Variants in MYT1L observed in about 807,000 individuals in gnomAD.
MYT1L encodes myelin transcription factor 1-like protein.
In MYT1L, 12 loss-of-function variants were observed where a neutral mutation model predicts 126.7. The observed-to-expected ratio is 0.09, with a 90% CI of 0.06 to 0.15. The LOEUF (loss-of-function observed/expected upper bound fraction) is 0.15, where lower values mean the gene tolerates loss of function less well. Among genes scored for constraint, MYT1L ranks in the 10% least tolerant of loss-of-function variants. MYT1L has a pLI of 1.00. For missense variants in MYT1L, 979 were observed against 1,585.2 expected, an observed-to-expected ratio of 0.62 and a Z score of 6.49; for synonymous variants, 541 against 604.2, an observed-to-expected ratio of 0.90 and a Z score of 1.53.
chr2:2,190,347 C>A (rs1430090016), intron 2 of MYT1L, among the ~76,000 whole-genome samples: 1 of 151,636 alleles, frequency 6.6e-6, no homozygotes, highest in Non-Finnish European at 1.5e-5. Context: ...CCCAGCTACT[C>A]GGGAGGCTGA....
intron 4 of MYT1L, among the ~76,000 whole-genome samples, chr2:2,008,261 C>T (rs1016126769): frequency 2.6e-5 from 4 of 152,214 alleles, no homozygotes; most frequent in Non-Finnish European, 2.9e-5. Context: ...AACCTACAAG[C>T]CTTCCATGAG....
intron 2 of MYT1L, among the ~76,000 whole-genome samples, chr2:2,238,294 G>A (rs968866779): frequency 2.0e-5 from 3 of 152,046 alleles, no homozygotes; most frequent in Non-Finnish European, 2.9e-5. Flanking sequence ...CCTGCTGTCC[G>A]GGCCTCAACT....
At chr2:1,844,862 C>A (rs1392506258) in intron 19 of MYT1L, among the ~76,000 whole-genome samples, 1 of 152,148 alleles carries the variant, frequency 6.6e-6, no homozygotes, top group African/African-American at 2.4e-5. Flanking sequence ...AGGCCCTTCC[C>A]GAGCCCTGGA....
intron 8 of MYT1L, among the ~76,000 whole-genome samples, chr2:1,951,857 C>T (rs1424052126): frequency 3.3e-5 from 5 of 152,224 alleles, no homozygotes; most frequent in South Asian, 2.1e-4. Context: ...CCCTTTAAAG[C>T]GTTACTCTTA....
At chr2:2,052,520 G>A (rs2068952633) in intron 4 of MYT1L, among the ~76,000 whole-genome samples, 1 of 152,094 alleles carries the variant, frequency 6.6e-6, no homozygotes, top group Non-Finnish European at 1.5e-5. Flanking sequence ...AACAGCAGAA[G>A]ATATTTGCAA....
At position 1,886,643 on chromosome 2, in the gene MYT1L, T is replaced by C. The variant is rs201650176; in HGVS notation, c.2643-36A>G. 6.8e-5 allele frequency: 97 copies of C among 1,425,940 alleles called. No individual in the cohort carries two copies. The African/African-American group carries it at 1.0e-3, about 15-fold the overall frequency. The allele number at this position is 1,425,940 out of a possible 1,614,324, so 88.3% of individuals were successfully genotyped here. A position where few individuals can be genotyped will look rare whatever the true frequency, so the allele number is the denominator to read the frequency against. ...GGCCGGGACAGGCAGGTCAGTCAAC[T>C]GCGAAGCGCGTAACTCCCAAACAAA... is the stretch of plus-strand genomic sequence containing the variant. On this transcript the variant is annotated intron_variant, in intron 17 of 24. Coordinates refer to ENST00000647738, the MANE Select transcript of MYT1L (RefSeq NM_001303052.2).
intron 9 of MYT1L, among the ~76,000 whole-genome samples, chr2:1,928,512 A>G (rs2054523336): frequency 6.6e-6 from 1 of 152,152 alleles, no homozygotes; most frequent in African/African-American, 2.4e-5. Flanking sequence ...TTCCAGAGCA[A>G]GCAGGCCTGC....
intron 8 of MYT1L, among the ~76,000 whole-genome samples, chr2:1,971,448 G>A (rs2059802026): frequency 6.6e-6 from 1 of 152,166 alleles, no homozygotes; most frequent in African/African-American, 2.4e-5. Context: ...AGAAGGCTTT[G>A]GGCCGGGCAC....
intron 18 of MYT1L, among the ~76,000 whole-genome samples, chr2:1,883,606 G>A (rs968165349): frequency 1.3e-5 from 2 of 152,116 alleles, no homozygotes; most frequent in African/African-American, 2.4e-5. Context: ...CTCAGTGAAC[G>A]TCACAGCCAG....
chr2:1,869,001 AAC>A (rs2045942277), intron 18 of MYT1L, among the ~76,000 whole-genome samples: 1 of 152,192 alleles, frequency 6.6e-6, no homozygotes, highest in African/African-American at 2.4e-5. Flanking sequence ...GAACCTTTGG[AAC>A]ACACACCAGC....
chr2:2,130,492 A>G (rs1402224807), intron 3 of MYT1L, among the ~76,000 whole-genome samples: 1 of 152,206 alleles, frequency 6.6e-6, no homozygotes, highest in African/African-American at 2.4e-5. Context: ...ACACGTCTGC[A>G]GCAGTGGTCT....
intron 18 of MYT1L, among the ~76,000 whole-genome samples, chr2:1,861,794 CTG>C: frequency 6.6e-6 from 1 of 151,450 alleles, no homozygotes; most frequent in East Asian, 2.0e-4. Context: ...TGCCTGCAGA[CTG>C]TGTAATCCTA....
At chr2:2,009,720 CTT>C (rs1267299390) in intron 4 of MYT1L, among the ~76,000 whole-genome samples, 5 of 152,138 alleles carry the variant, frequency 3.3e-5, no homozygotes, top group Admixed American at 2.6e-4. Context: ...TCTGACTGCT[CTT>C]GTTAGTACTT....
chr2:2,324,759 G>C (rs1277835391), intron 1 of MYT1L: 8 of 152,694 alleles, frequency 5.2e-5, no homozygotes, highest in Non-Finnish European at 1.0e-4. Flanking sequence ...GAAGCATCCT[G>C]CTGACTTACC....
chr2:2,000,818 C>T (rs556428220), intron 4 of MYT1L, among the ~76,000 whole-genome samples: 61 of 152,292 alleles, frequency 4.0e-4, no homozygotes, highest in African/African-American at 1.3e-3. Context: ...GGATAATGAT[C>T]TCACCCAAGA....
chr2:2,160,012 G>A (rs201173593), intron 3 of MYT1L, among the ~76,000 whole-genome samples: 95 of 152,210 alleles, frequency 6.2e-4, no homozygotes, highest in Admixed American at 2.0e-3. Context: ...ATGGGTGAGC[G>A]GCAACCCATG....
chr2:2,112,518 G>A (rs2079590754), intron 3 of MYT1L, among the ~76,000 whole-genome samples: 1 of 152,164 alleles, frequency 6.6e-6, no homozygotes, highest in African/African-American at 2.4e-5. Flanking sequence ...TGTGTGGTGG[G>A]GCATTGAGAC....
chr2:2,037,131 A>G (rs2066945961), intron 4 of MYT1L, among the ~76,000 whole-genome samples: 1 of 152,172 alleles, frequency 6.6e-6, no homozygotes. Flanking sequence ...GCAGTTCCAA[A>G]TCACTCCACT....
chr2:1,792,864 C>T (rs550179908), intron 23 of MYT1L, among the ~76,000 whole-genome samples: 3 of 3,010 alleles, frequency 1.0e-3, no homozygotes, highest in Non-Finnish European at 2.1e-3. Context: ...ACCGAGATTC[C>T]GTCTCACAAA....
Sources: allele counts gnomAD v4.1 joint callset (sites outside exome capture counted in the v4.1 genomes callset), GRCh38; gene constraint gnomAD v4.1.1; transcripts MANE v1.5; gene names NCBI Gene and HGNC (gene_info 2026-07-23, HGNC 2026-07-21).